Variants in FRMD4A observed in about 807,000 individuals in gnomAD.
The protein encoded by FRMD4A is FERM domain-containing protein 4A.
FRMD4A carries 29 observed loss-of-function variants against 129.1 expected under a neutral mutation model. That is an observed-to-expected ratio of 0.22 (90% CI 0.17 to 0.31). The LOEUF (loss-of-function observed/expected upper bound fraction) is 0.31, where lower values mean the gene tolerates loss of function less well. FRMD4A is among the 10% of genes least tolerant of loss of function. FRMD4A has a pLI of 1.00. For missense variants in FRMD4A, 1,272 were observed against 1,375.8 expected (o/e 0.92, Z 1.19); for synonymous variants, 634 against 571.6 (o/e 1.11, Z -1.56).
chr10:13,942,249 C>A (rs2095297927), intron 2 of FRMD4A, among the ~76,000 whole-genome samples: 1 of 152,210 alleles, frequency 6.6e-6, no homozygotes, highest in South Asian at 2.1e-4. Flanking sequence ...ATGAGCGCTC[C>A]CTTTCATCGC....
intron 2 of FRMD4A, among the ~76,000 whole-genome samples, chr10:13,957,483 G>C (rs1179697256): frequency 6.6e-6 from 1 of 152,122 alleles, no homozygotes; most frequent in East Asian, 1.9e-4. Context: ...TCAAACTTCT[G>C]ACCTTAGGTG....
intron 2 of FRMD4A, among the ~76,000 whole-genome samples, chr10:14,073,382 T>C (rs1207796839): frequency 1.3e-5 from 2 of 152,096 alleles, no homozygotes; most frequent in African/African-American, 4.8e-5. Context: ...AAGAATTAGA[T>C]CCATTGAGTT....
chr10:13,863,408 C>A (rs2094320379), intron 2 of FRMD4A, among the ~76,000 whole-genome samples: 1 of 142,714 alleles, frequency 7.0e-6, no homozygotes, highest in African/African-American at 2.7e-5. Context: ...ATGGCAAAAC[C>A]CTGTCTCTAC....
chr10:13,891,869 G>A (rs993739945), intron 2 of FRMD4A: 1 of 405,026 alleles, frequency 2.5e-6, no homozygotes, highest in African/African-American at 2.2e-5. Flanking sequence ...CCCCGCCGCC[G>A]GCCCGCCCCT....
rs184545203 is a variant in FRMD4A, at chr10:13,834,972, G to A, written c.111+23875C>T. 4.6e-5 allele frequency among the ~76,000 whole-genome samples: 7 copies of A among 152,264 alleles called. No individual in the cohort carries two copies. In the East Asian group the frequency reaches 1.3e-3, roughly 29 times the overall value. ...TCAGATAATTCCCCGTGATAGCAGC[G>A]TGCACGGAAAACATGTCATGATGAT... On this transcript the variant is annotated intron_variant, in intron 3 of 24. Coordinates refer to ENST00000357447, the MANE Select transcript of FRMD4A (RefSeq NM_018027.5).
intron 2 of FRMD4A, among the ~76,000 whole-genome samples, chr10:14,081,164 C>T (rs912669211): frequency 5.3e-5 from 8 of 152,200 alleles, no homozygotes; most frequent in African/African-American, 1.9e-4. Flanking sequence ...ACTTATAAAA[C>T]CACGGTAGTC....
Position 14,050,084 on chromosome 10 carries a change from T to C in FRMD4A, c.46-191172A>G, listed in dbSNP as rs577403222. Among the ~76,000 whole-genome samples the C allele has an allele frequency of 7.5e-4, 114 of 152,362 alleles. 1 individual carries two copies. The highest frequency in any genetic ancestry group is 2.5e-3 in the African/African-American group (104 of 41,588). ...ATGTTAGGCAGTTTCCTACCTTTGC[T>C]ATGCCTCCGTTTTTTCCATCTATAA... is the stretch of plus-strand genomic sequence containing the variant. On this transcript the variant is annotated intron_variant, in intron 2 of 24. Coordinates refer to ENST00000357447, the MANE Select transcript of FRMD4A (RefSeq NM_018027.5).
chr10:13,928,565 T>C (rs1404642022), intron 2 of FRMD4A, among the ~76,000 whole-genome samples: 5 of 152,234 alleles, frequency 3.3e-5, no homozygotes, highest in Admixed American at 1.3e-4. Context: ...GTTGGTTTTT[T>C]AACTTAGCTG....
At chr10:13,693,743 C>T (rs371153230) in intron 15 of FRMD4A, 155 bp downstream of exon 15, 64 of 785,256 alleles carry the variant, frequency 8.2e-5, no homozygotes, top group African/African-American at 7.7e-4. Context: ...TTCTCAGATT[C>T]GCATTTGGAT....
chr10:14,263,410 C>T (rs1189694900), intron 2 of FRMD4A, among the ~76,000 whole-genome samples: 6 of 152,208 alleles, frequency 3.9e-5, no homozygotes, highest in East Asian at 3.9e-4. Flanking sequence ...AAATTTCCGT[C>T]GTCTTCCTTT....
chr10:13,670,789 A>G lies in FRMD4A; in HGVS notation c.1252-261T>C, dbSNP rs529458099. On this transcript the variant is annotated intron_variant, in intron 16 of 24. Coordinates refer to ENST00000357447, the MANE Select transcript of FRMD4A (RefSeq NM_018027.5). ...GTTTTTTCCAAAGTAAATTTCTGTA[A>G]TTGCCATTTGACTTTCATTATAAAA... Among the ~76,000 whole-genome samples, 9 of 152,302 alleles carry G rather than the reference A, an allele frequency of 5.9e-5. No homozygotes were observed. In the East Asian group the frequency reaches 1.7e-3, roughly 29 times the overall value.
intron 2 of FRMD4A, among the ~76,000 whole-genome samples, chr10:13,927,800 G>GTGT (rs1470593843): frequency 6.6e-6 from 1 of 152,198 alleles, no homozygotes; most frequent in African/African-American, 2.4e-5. Flanking sequence ...GTAGTTGGCA[G>GTGT]TGTTGGAAAT....
At chr10:13,979,783 A>T (rs368847686) in intron 2 of FRMD4A, among the ~76,000 whole-genome samples, 5 of 152,320 alleles carry the variant, frequency 3.3e-5, no homozygotes, top group African/African-American at 1.2e-4. Flanking sequence ...TGTAATGGGA[A>T]TGTAATGACT....
intron 2 of FRMD4A, among the ~76,000 whole-genome samples, chr10:14,123,380 T>C (rs766213454): frequency 9.9e-5 from 15 of 152,192 alleles, no homozygotes; most frequent in Non-Finnish European, 1.9e-4. Flanking sequence ...TGGATGAAGT[T>C]TTCAGCAACT....
chr10:13,738,310 T>C (rs1260691123), intron 11 of FRMD4A, among the ~76,000 whole-genome samples: 1 of 152,184 alleles, frequency 6.6e-6, no homozygotes, highest in Non-Finnish European at 1.5e-5. Context: ...ATCTGTGAGA[T>C]GTCACACCTA....
At chr10:14,051,722 G>T (rs1415251076) in intron 2 of FRMD4A, among the ~76,000 whole-genome samples, 1 of 152,216 alleles carries the variant, frequency 6.6e-6, no homozygotes, top group Non-Finnish European at 1.5e-5. Context: ...CCCGTGGGCA[G>T]CCTAGTCTGG....
chr10:13,977,688 T>C (rs995229713), intron 2 of FRMD4A, among the ~76,000 whole-genome samples: 28 of 152,238 alleles, frequency 1.8e-4, no homozygotes, highest in African/African-American at 6.8e-4. Flanking sequence ...CCCTAGCTAC[T>C]GGCAGCCTTT....
chr10:13,915,092 A>G (rs888035261), intron 2 of FRMD4A, among the ~76,000 whole-genome samples: 1 of 152,170 alleles, frequency 6.6e-6, no homozygotes, highest in African/African-American at 2.4e-5. Flanking sequence ...TGGGACCGAC[A>G]TATTAACAAC....
chr10:13,942,458 G>A (rs565746302), intron 2 of FRMD4A, among the ~76,000 whole-genome samples: 114 of 152,260 alleles, frequency 7.5e-4, no homozygotes, highest in Non-Finnish European at 1.4e-3. Context: ...GGCTACACTG[G>A]AGCAGGTCTG....
Sources: allele counts gnomAD v4.1 joint callset (sites outside exome capture counted in the v4.1 genomes callset), GRCh38; gene constraint gnomAD v4.1.1; transcripts MANE v1.5; gene names NCBI Gene and HGNC (gene_info 2026-07-23, HGNC 2026-07-21).